Variants in GPHN observed in about 807,000 individuals in gnomAD.
GPHN encodes the protein gephyrin.
Under a neutral mutation model 95.5 loss-of-function variants are expected in GPHN, and 17 were observed. The observed-to-expected ratio is 0.18, with a 90% confidence interval of 0.12 to 0.27. The LOEUF is 0.27. Among genes scored for constraint, GPHN ranks in the 10% least tolerant of loss-of-function variants. The pLI is 1.00. For missense variants in GPHN, 660 were observed against 978.1 expected (o/e 0.67, Z 4.34); for synonymous variants, 320 against 322.5 (o/e 0.99, Z 0.08).
chr14:67,468,185 G>A, the GPHN span, among the ~76,000 whole-genome samples: 12 of 152,216 alleles, frequency 7.9e-5, no homozygotes, highest in Middle Eastern at 3.4e-3. Context: ...TGTTGGCCAC[G>A]CTGGTCTCTA....
At chr14:67,637,392 C>A in the GPHN span, among the ~76,000 whole-genome samples, 1 of 120,920 alleles carries the variant, frequency 8.3e-6, no homozygotes, top group African/African-American at 3.3e-5. Flanking sequence ...GCCTGAGCGA[C>A]AGAGCAAGAC....
chr14:66,688,486 C>A (rs58955638), intron 2 of GPHN, among the ~76,000 whole-genome samples: 47,327 of 152,080 alleles, frequency 0.31, 11,183 homozygotes, highest in African/African-American at 0.64. Context: ...TTTTCAGTTT[C>A]TTTTTCCACT....
the GPHN span, chr14:67,442,021 T>C: frequency 4.5e-5 from 7 of 153,928 alleles, no homozygotes; most frequent in African/African-American, 1.7e-4. Context: ...CACGAAAATG[T>C]TTTAATTTTA....
At chr14:66,687,125 T>G (rs1347959450) in intron 2 of GPHN, among the ~76,000 whole-genome samples, 1 of 152,170 alleles carries the variant, frequency 6.6e-6, no homozygotes, top group Admixed American at 6.5e-5. Flanking sequence ...TGGATAAGCT[T>G]TTTGATGTGC....
the GPHN span, among the ~76,000 whole-genome samples, chr14:67,638,024 G>A: frequency 6.6e-6 from 1 of 152,324 alleles, no homozygotes; most frequent in Non-Finnish European, 1.5e-5. Flanking sequence ...TAGCCACACA[G>A]ATGGCAAAGT....
the GPHN span, among the ~76,000 whole-genome samples, chr14:67,547,357 C>T: frequency 6.6e-6 from 1 of 152,200 alleles, no homozygotes; most frequent in Non-Finnish European, 1.5e-5. Context: ...CTGTCCTCTG[C>T]AATCATCCCT....
chr14:66,776,354 G>C, intron 2 of GPHN, 110 bp from the exon 3 acceptor site: 1 of 773,964 alleles, frequency 1.3e-6, no homozygotes, highest in South Asian at 1.4e-5. Flanking sequence ...ATGGTTGTTG[G>C]GGTGAATACT....
chr14:67,096,103 A>T (rs1022434195), intron 12 of GPHN, among the ~76,000 whole-genome samples: 2 of 152,054 alleles, frequency 1.3e-5, no homozygotes, highest in African/African-American at 2.4e-5. Context: ...AATAAGAAAA[A>T]TGACTCCTCT....
chr14:66,616,903 T>A (rs2063062412), intron 1 of GPHN, among the ~76,000 whole-genome samples: 1 of 152,170 alleles, frequency 6.6e-6, no homozygotes, highest in Admixed American at 6.5e-5. Context: ...AGACAGGGTT[T>A]CACCATGTTG....
rs770031914 is a variant in GPHN at position 66,922,541 on chromosome 14, T to A, written c.457-125T>A. 1.4e-5 allele frequency: 10 copies of A among 699,072 alleles called. No homozygotes were observed. The Admixed American group carries it at 2.5e-4, about 18-fold the overall frequency. 43.3% of individuals were successfully genotyped at this position (699,072 alleles called of 1,614,324 possible). A position where few individuals can be genotyped will look rare whatever the true frequency, so the allele number is the denominator to read the frequency against. On this transcript the variant is annotated intron_variant, in intron 6 of 22. Coordinates refer to ENST00000478722, the MANE Select transcript of GPHN (RefSeq NM_020806.5). ...TATTGCTAAGACAATGTTTTACATA[T>A]GATTGATTCTGAGATTGATGGAGGA...
intron 11 of GPHN, among the ~76,000 whole-genome samples, chr14:67,072,300 C>G (rs59030512): frequency 6.6e-6 from 1 of 151,940 alleles, no homozygotes. Flanking sequence ...CTGTCTATTC[C>G]TAATGTTTTA....
chr14:67,404,315 C>T, the GPHN span, among the ~76,000 whole-genome samples: 1 of 152,022 alleles, frequency 6.6e-6, no homozygotes, highest in Non-Finnish European at 1.5e-5. Flanking sequence ...CACTTTTACT[C>T]ATATTACTTC....
chr14:67,611,551 G>A, the GPHN span, among the ~76,000 whole-genome samples: 2 of 152,162 alleles, frequency 1.3e-5, no homozygotes, highest in Non-Finnish European at 2.9e-5. Flanking sequence ...ACAGGTGTGA[G>A]CCACCATGCC....
At chr14:67,656,786 A>T in the GPHN span, among the ~76,000 whole-genome samples, 4,271 of 152,280 alleles carry the variant, frequency 0.028, 216 homozygotes, top group African/African-American at 0.098. Flanking sequence ...AATCAATAGG[A>T]TCACAATACC....
At chr14:67,227,025 A>G in the GPHN span, among the ~76,000 whole-genome samples, 1 of 152,226 alleles carries the variant, frequency 6.6e-6, no homozygotes, top group Non-Finnish European at 1.5e-5. Flanking sequence ...AATGATTTCA[A>G]TCCCTTGATG....
intron 1 of GPHN, among the ~76,000 whole-genome samples, chr14:66,583,701 T>C (rs1303394770): frequency 6.6e-6 from 1 of 152,180 alleles, no homozygotes; most frequent in East Asian, 1.9e-4. Context: ...GTTGTAGATA[T>C]GCGGCATTAT....
chr14:66,955,401 A>T (rs1285095521), intron 8 of GPHN, among the ~76,000 whole-genome samples: 2 of 152,124 alleles, frequency 1.3e-5, no homozygotes, highest in Non-Finnish European at 2.9e-5. Context: ...AGTTGTTCCT[A>T]GTATTTAATT....
intron 10 of GPHN, among the ~76,000 whole-genome samples, chr14:67,050,274 G>A (rs1410008576): frequency 1.3e-5 from 2 of 152,174 alleles, no homozygotes; most frequent in Non-Finnish European, 2.9e-5. Context: ...ATCACTTTAT[G>A]ACAAAGACTT....
At position 66,723,138 on chromosome 14, in the gene GPHN, G is replaced by A. The variant is rs776539069; in HGVS notation, c.143+41953G>A. Among the ~76,000 whole-genome samples, 16 of 152,040 alleles carry A rather than the reference G, an allele frequency of 1.1e-4. No individual in the cohort carries two copies. In the East Asian group the frequency reaches 2.5e-3, roughly 24 times the overall value. On this transcript the variant is annotated intron_variant, in intron 2 of 22. Coordinates refer to ENST00000478722, the MANE Select transcript of GPHN (RefSeq NM_020806.5). ...CACAATCGTAGATCACTGTAACTTTGCACTGCTGGGCTTAAGCATACCTCC... is the reference window on the plus strand; with the variant it reads ...CACAATCGTAGATCACTGTAACTTTACACTGCTGGGCTTAAGCATACCTCC...
Sources: gnomAD v4.1 joint callset for allele counts (sites outside exome capture counted in the v4.1 genomes callset) on GRCh38, gnomAD v4.1.1 for gene constraint, MANE v1.5 for transcripts, NCBI Gene and HGNC (gene_info 2026-07-23, HGNC 2026-07-21) for gene names.